The following LRRC37A2 variants were observed in gnomAD, a reference collection of about 807,000 sequenced individuals.
LRRC37A2 encodes leucine-rich repeat-containing protein 37A2.
In LRRC37A2, 9 loss-of-function variants were observed where a neutral mutation model predicts 68.8. The observed-to-expected ratio is 0.13, with a 90% CI of 0.08 to 0.23. The LOEUF (loss-of-function observed/expected upper bound fraction) is 0.23. Ranked by LOEUF, LRRC37A2 falls within the 10% of genes least tolerant of loss-of-function variation. LRRC37A2 has a pLI of 1.00. For missense variants in LRRC37A2, 168 were observed against 950.4 expected, an observed-to-expected ratio of 0.18 and a Z score of 10.82; for synonymous variants, 63 against 367.6, an observed-to-expected ratio of 0.17 and a Z score of 9.48.
At chr17:46,883,389 A>T in the LRRC37A2 span, among the ~76,000 whole-genome samples, 1 of 149,836 alleles carries the variant, frequency 6.7e-6, no homozygotes, top group African/African-American at 2.5e-5. Flanking sequence ...GGTTCAAGTG[A>T]GTCTCCTGCC....
chr17:46,928,647 T>G, the LRRC37A2 span, among the ~76,000 whole-genome samples: 1 of 152,184 alleles, frequency 6.6e-6, no homozygotes, highest in Admixed American at 6.5e-5. Context: ...TCCTTGATAT[T>G]GTCGGAGAAG....
chr17:46,930,594 G>A, the LRRC37A2 span: 1 of 155,372 alleles, frequency 6.4e-6, no homozygotes, highest in East Asian at 1.9e-4. Context: ...AGGGAAGAAA[G>A]CCTTAAGGGA....
the LRRC37A2 span, among the ~76,000 whole-genome samples, chr17:46,933,941 CAAA>C: frequency 1.2e-4 from 18 of 144,364 alleles, no homozygotes; most frequent in South Asian, 4.4e-4. Flanking sequence ...GAGCCTGTCT[CAAA>C]AAAAAAAAAA....
the LRRC37A2 span, among the ~76,000 whole-genome samples, chr17:46,889,625 A>T: frequency 6.6e-6 from 1 of 152,300 alleles, no homozygotes; most frequent in East Asian, 1.9e-4. Context: ...TTATTAGAGC[A>T]TGCCTTTTCT....
the LRRC37A2 span, among the ~76,000 whole-genome samples, chr17:46,898,164 T>C: frequency 1.3e-5 from 2 of 152,124 alleles, no homozygotes; most frequent in African/African-American, 4.8e-5. Flanking sequence ...TTTCTCCACA[T>C]TTTTCAGCGT....
chr17:46,972,125 G>C, the LRRC37A2 span, among the ~76,000 whole-genome samples: 5 of 152,154 alleles, frequency 3.3e-5, no homozygotes, highest in Admixed American at 3.3e-4. Flanking sequence ...GGGACAGCCT[G>C]CTGTGGTGGG....
chr17:46,904,219 G>T, the LRRC37A2 span, among the ~76,000 whole-genome samples: 1 of 150,452 alleles, frequency 6.6e-6, no homozygotes, highest in African/African-American at 2.4e-5. Flanking sequence ...TGGGTGGGAA[G>T]GTGGGTAGAT....
At chr17:46,848,255 G>A in the LRRC37A2 span, among the ~76,000 whole-genome samples, 11 of 152,210 alleles carry the variant, frequency 7.2e-5, no homozygotes, top group Non-Finnish European at 1.6e-4. Flanking sequence ...GCCCGTGTCC[G>A]AGCCCAGGAA....
the LRRC37A2 span, among the ~76,000 whole-genome samples, chr17:46,676,233 C>CTT: frequency 2.1e-3 from 282 of 135,594 alleles, 2 homozygotes; most frequent in African/African-American, 7.2e-3. Flanking sequence ...AATTCTTCTT[C>CTT]TTTTTTTTTT....
At chr17:46,993,563 G>A in the LRRC37A2 span, among the ~76,000 whole-genome samples, 1 of 152,264 alleles carries the variant, frequency 6.6e-6, no homozygotes, top group Non-Finnish European at 1.5e-5. Flanking sequence ...GCCTGCCCAA[G>A]TTCATCCGCA....
the LRRC37A2 span, chr17:46,877,004 G>C: frequency 1.6e-6 from 2 of 1,246,392 alleles, no homozygotes; most frequent in Non-Finnish European, 2.0e-6. Flanking sequence ...GGAAATAAGG[G>C]AGACCAAGAG....
chr17:46,814,716 T>TC, the LRRC37A2 span, among the ~76,000 whole-genome samples: 1 of 152,060 alleles, frequency 6.6e-6, no homozygotes, highest in South Asian at 2.1e-4. Flanking sequence ...GGGGCCTTCC[T>TC]CCCCCGCAGT....
chr17:46,981,545 CTG>C, the LRRC37A2 span, among the ~76,000 whole-genome samples: 2 of 152,288 alleles, frequency 1.3e-5, no homozygotes, highest in South Asian at 2.1e-4. Flanking sequence ...AGCTCCTAGA[CTG>C]TGAGAAATTA....
chr17:46,978,798 G>A, the LRRC37A2 span: 1 of 1,611,538 alleles, frequency 6.2e-7, no homozygotes, highest in East Asian at 2.2e-5. Context: ...AGAGCACGGC[G>A]ATCTGCGCCA....
the LRRC37A2 span, among the ~76,000 whole-genome samples, chr17:46,959,330 A>G: frequency 1.3e-5 from 2 of 152,250 alleles, no homozygotes; most frequent in South Asian, 4.1e-4. Flanking sequence ...AGTAACATAA[A>G]TCCAACCCCG....
Position 46,539,768 on chromosome 17 carries a change from CAAAAAAAA to C in LRRC37A2, c.2907-393_2907-386del, listed in dbSNP as rs1204528686. The stretch of plus-strand genomic sequence containing the variant: ...GGGCAACAAGAGCGAGACTCCATCT[CAAAAAAAA>C]AAAAAAAAAAAAAATAGATGAACAA... On this transcript the variant is annotated intron_variant, in intron 6 of 14. Coordinates refer to ENST00000576629, the Ensembl canonical transcript of LRRC37A2. 1.6e-3 allele frequency among the ~76,000 whole-genome samples: 105 copies of C among 67,024 alleles called. 3 individuals carry two copies. The East Asian group carries it at 0.029, about 18-fold the overall frequency. 44.0% of individuals were successfully genotyped at this position (67,024 alleles called of 152,430 possible).
chr17:46,803,974 C>T, the LRRC37A2 span, among the ~76,000 whole-genome samples: 9 of 152,188 alleles, frequency 5.9e-5, no homozygotes, highest in Admixed American at 5.2e-4. Flanking sequence ...GCGTGTTTTC[C>T]CTTATGTCCT....
At chr17:46,773,993 C>T in the LRRC37A2 span, 9 of 1,541,238 alleles carry the variant, frequency 5.8e-6, no homozygotes, top group Admixed American at 1.9e-5. Flanking sequence ...GTGAACCCTC[C>T]GGGGTAGGTG....
the LRRC37A2 span, chr17:46,929,638 T>C: frequency 3.4e-6 from 3 of 886,358 alleles, no homozygotes. Flanking sequence ...AGGGTGCTAA[T>C]GGGCTGGGCT....
Sources: gnomAD v4.1 joint callset for allele counts (sites outside exome capture counted in the v4.1 genomes callset) on GRCh38, gnomAD v4.1.1 for gene constraint, MANE v1.5 for transcripts, NCBI Gene and HGNC (gene_info 2026-07-23, HGNC 2026-07-21) for gene names.